ANKRD13D: variants seen among roughly 807,000 people sequenced by gnomAD.
ANKRD13D encodes the protein ankyrin repeat domain-containing protein 13D.
A neutral mutation model predicts 68.8 loss-of-function variants in ANKRD13D; 24 were observed. The ratio of observed to expected loss-of-function variants is 0.35; its 90% confidence interval spans 0.25 to 0.49. The LOEUF is 0.49. Ranked by LOEUF, ANKRD13D falls within the 20% of genes least tolerant of loss-of-function variation. ANKRD13D has a pLI of 0.99. For synonymous variants in ANKRD13D, 331 were observed against 336.1 expected, an observed-to-expected ratio of 0.98 and a Z score of 0.16; for missense variants, 735 against 832.1, an observed-to-expected ratio of 0.88 and a Z score of 1.44.
rs1215115616 is a variant in ANKRD13D, at chr11:67,300,367, G to A, written c.1073+244G>A. On this transcript the variant is annotated intron_variant, in intron 10 of 14. Coordinates refer to ENST00000511455, the MANE Select transcript of ANKRD13D (RefSeq NM_207354.3). The surrounding 1 kb of genome is among the most constrained non-coding windows in gnomAD (Gnocchi z 4.3). The stretch of plus-strand genomic sequence containing the variant: ...TGCCACCCATGTATGGTTTTCTATT[G>A]AATTTCATGAGTACCTGCTGGGGCC... The A allele has an allele frequency of 1.9e-6, 1 of 534,258 alleles. No individual in the cohort carries two copies. The highest frequency in any genetic ancestry group is 3.2e-6 in the Non-Finnish European group (1 of 309,566). 33.1% of individuals were successfully genotyped at this position (534,258 alleles called of 1,614,324 possible).
chr11:67,301,576 C>T lies in ANKRD13D; in HGVS notation c.1437C>T (p.Leu479=). Residue 479 remains leucine (L), a synonymous_variant, in exon 13 of 15, where the codon CTC becomes CTT. Transcript: ENST00000511455. The surrounding 1 kb of genome is among the most constrained non-coding windows in gnomAD (Gnocchi z 4.5). ...TGGGCATGGAGCGCAACGAGCCCCTCCGGGACGAGGACGATGACCTCCTGC... is the reference window on the plus strand; with the variant it reads ...TGGGCATGGAGCGCAACGAGCCCCTTCGGGACGAGGACGATGACCTCCTGC... ...SVLGMERNEP[L]RDEDDDLLQF... is the part of the protein sequence containing the mutation. 6.2e-7 allele frequency: 1 copy of T among 1,612,962 alleles called. No individual in the cohort carries two copies. Among genetic ancestry groups the T allele is most frequent in the African/African-American group, 1.3e-5 (1 of 75,076 alleles).
intron 6 of ANKRD13D, among the ~76,000 whole-genome samples, chr11:67,294,540 T>C (rs1860692052): frequency 6.6e-6 from 1 of 151,846 alleles, no homozygotes; most frequent in Non-Finnish European, 1.5e-5. Flanking sequence ...TTTTGTTTTG[T>C]TTTTTTGTTT....
chr11:67,290,050 C>T (rs1428545615), intron 1 of ANKRD13D, 28 bp from the exon 2 acceptor site: 2 of 1,532,486 alleles, frequency 1.3e-6, no homozygotes, highest in Non-Finnish European at 1.7e-6. Flanking sequence ...TTCTCTCCTG[C>T]CCTTTGTGAG....
Position 67,301,771 on chromosome 11 carries a change from G to A in ANKRD13D, c.1552G>A (p.Ala518Thr). The A allele has an allele frequency of 6.2e-7, 1 of 1,610,146 alleles. No homozygotes were observed. The change falls in exon 14 of 15, where the codon GCC (alanine) becomes ACC (threonine). Residue 518 changes from alanine to threonine, a missense_variant. Transcript: ENST00000511455. The surrounding 1 kb of genome is among the most constrained non-coding windows in gnomAD (Gnocchi z 4.5). ...AGCCCTGACCAACACCCGGCCCGGT[G>A]CCCGCCCTCCTCCCCAGGCCACGGT... Reference protein sequence around the residue: ...WEALTNTRPGARPPPQATVYE... With the variant: ...WEALTNTRPGTRPPPQATVYE...
Position 67,299,753 on chromosome 11 carries a change from G to T in ANKRD13D, c.881-74G>T, listed in dbSNP as rs1377003728. On this transcript the variant is annotated intron_variant, in intron 8 of 14. Coordinates refer to ENST00000511455, the MANE Select transcript of ANKRD13D (RefSeq NM_207354.3). This position sits in a 1 kb window ranked among gnomAD's most constrained non-coding sequence, Gnocchi z 6.2. The stretch of plus-strand genomic sequence containing the variant: ...TGACCCCTCTTCCCCCAGACAGTAG[G>T]CTCCAGGGGTGGAGGTGGGCAGGGG... 1 of 1,530,132 alleles carries T rather than the reference G, an allele frequency of 6.5e-7. No individual in the cohort carries two copies. The highest frequency in any genetic ancestry group is 8.8e-7 in the Non-Finnish European group (1 of 1,134,332). The allele number at this position is 1,530,132 out of a possible 1,614,324, so 94.8% of individuals were successfully genotyped here.
chr11:67,291,803 G>C, intron 5 of ANKRD13D, 57 bp downstream of exon 5: 1 of 1,595,630 alleles, frequency 6.3e-7, no homozygotes, highest in Non-Finnish European at 8.5e-7. Flanking sequence ...CTGCGGCTTG[G>C]GAGGACGGTG....
chr11:67,297,969 T>C (rs1860825621), intron 6 of ANKRD13D: 1 of 152,230 alleles, frequency 6.6e-6, no homozygotes, highest in Admixed American at 6.5e-5. Flanking sequence ...AGTTTTTTTT[T>C]TCTGCTATTG....
At position 67,292,150 on chromosome 11, in the gene ANKRD13D, A is replaced by C; in HGVS notation, c.701A>C (p.His234Pro). 1 of 1,604,496 alleles carries C rather than the reference A, an allele frequency of 6.2e-7. No homozygotes were observed. The highest frequency in any genetic ancestry group is 8.5e-7 in the Non-Finnish European group (1 of 1,172,504). ...CTCACCTCTCCTATCGTCTCCACCC[A>C]CCTGGACACTCGTAATGTGGCCTTT... Reference protein sequence around the residue: ...SRLTSPIVSTHLDTRNVAFER... With the variant: ...SRLTSPIVSTPLDTRNVAFER... Residue 234 changes from histidine to proline, a missense_variant, in exon 6 of 15, where the codon CAC (histidine) becomes CCC (proline). His to Pro is a moderately conservative substitution (Grantham distance 77, BLOSUM62 -2). Transcript: ENST00000511455.
At chr11:67,296,021 C>T (rs889775388) in intron 6 of ANKRD13D, among the ~76,000 whole-genome samples, 2 of 152,148 alleles carry the variant, frequency 1.3e-5, no homozygotes, top group Admixed American at 1.3e-4. Flanking sequence ...ATTGATACAT[C>T]AATTGACCTA....
At position 67,299,792 on chromosome 11, in the gene ANKRD13D, G is replaced by T. The variant is rs373575344; in HGVS notation, c.881-35G>T. On this transcript the variant is annotated intron_variant, in intron 8 of 14. Transcript: ENST00000511455. This position sits in a 1 kb window ranked among gnomAD's most constrained non-coding sequence, Gnocchi z 6.2. ...GGTGGGCAGGGGCGATGCGAGCATT[G>T]TGACCCCTTACCAGCTCCCACCCCT... The T allele has an allele frequency of 1.8e-5, 27 of 1,534,136 alleles. No individual in the cohort carries two copies. Among genetic ancestry groups the T allele is most frequent in the Non-Finnish European group, 2.4e-5 (27 of 1,140,378 alleles).
intron 6 of ANKRD13D, among the ~76,000 whole-genome samples, chr11:67,292,944 A>G (rs1240762225): frequency 6.6e-6 from 1 of 152,208 alleles, no homozygotes; most frequent in African/African-American, 2.4e-5. Flanking sequence ...TCTTTCACTT[A>G]GTATAATATA....
At chr11:67,291,378 C>T (rs1239388189) in intron 3 of ANKRD13D, 98 bp from the exon 4 acceptor site, 11 of 920,964 alleles carry the variant, frequency 1.2e-5, no homozygotes, top group African/African-American at 7.0e-5. Context: ...AAAAAAAAGA[C>T]CTGATGAAGG....
At position 67,292,562 on chromosome 11, in the gene ANKRD13D, C is replaced by T. The variant is rs184751377; in HGVS notation, c.731+382C>T. Among the ~76,000 whole-genome samples the T allele has an allele frequency of 1.6e-3, 239 of 151,984 alleles. 1 individual carries two copies. The highest frequency in any genetic ancestry group is 1.6e-3 in the Non-Finnish European group (112 of 67,972). Reference sequence around the variant, plus strand: ...GGGTAGCCTAGGAACCTGACCCTTCCAGCAAGAGTTTCTCTGACAACACAT... The same window carrying T: ...GGGTAGCCTAGGAACCTGACCCTTCTAGCAAGAGTTTCTCTGACAACACAT... On this transcript the variant is annotated intron_variant, in intron 6 of 14. Coordinates refer to ENST00000511455, the MANE Select transcript of ANKRD13D (RefSeq NM_207354.3).
chr11:67,291,531 G>T lies in ANKRD13D; in HGVS notation c.397+10G>T, dbSNP rs775595634. ...GAGTTCACCAGCTGGGGTGAGTGGG[G>T]ACCTCTGGGCTCCCAGGGATTTGGG... On this transcript the variant is annotated intron_variant, in intron 4 of 14. Transcript: ENST00000511455. 6 of 1,613,932 alleles carry T rather than the reference G, an allele frequency of 3.7e-6. No homozygotes were observed. The Admixed American group carries it at 1.0e-4, about 27-fold the overall frequency.
Position 67,289,804 on chromosome 11 carries a change from C to T in ANKRD13D, c.90+254C>T. The T allele has an allele frequency of 2.1e-6, 3 of 1,423,498 alleles. No individual in the cohort carries two copies. In the South Asian group the frequency reaches 4.6e-5, roughly 22 times the overall value. The allele number at this position is 1,423,498 out of a possible 1,614,324, so 88.2% of individuals were successfully genotyped here. A position where few individuals can be genotyped will look rare whatever the true frequency, so the allele number is the denominator to read the frequency against. On this transcript the variant is annotated intron_variant, in intron 1 of 14. Coordinates refer to ENST00000511455, the MANE Select transcript of ANKRD13D (RefSeq NM_207354.3). ...CATCCTTGCTGACCCAAGCTGAGAACAAGAACTCTGGTCCTGGTCCCCAGG... is the reference window on the plus strand; with the variant it reads ...CATCCTTGCTGACCCAAGCTGAGAATAAGAACTCTGGTCCTGGTCCCCAGG...
rs1860480723 is a variant in ANKRD13D at position 67,290,312 on chromosome 11, G to A, written c.227-10G>A. On this transcript the variant is annotated splice_polypyrimidine_tract_variant and intron_variant, in intron 2 of 14. Coordinates refer to ENST00000511455, the MANE Select transcript of ANKRD13D (RefSeq NM_207354.3). ...CTGGAGGGCTCCCCTCAGCAGCCTG[G>A]TGCCCGCAGTCCTGCAGGAGGCAGT... is the stretch of plus-strand genomic sequence containing the variant. 1.9e-6 allele frequency: 3 copies of A among 1,549,158 alleles called. No homozygotes were observed. The African/African-American group carries it at 4.1e-5, about 21-fold the overall frequency.
At chr11:67,295,814 C>T (rs530908937) in intron 6 of ANKRD13D, among the ~76,000 whole-genome samples, 83 of 152,266 alleles carry the variant, frequency 5.5e-4, no homozygotes, top group African/African-American at 2.0e-3. Context: ...TGTTCTTCAT[C>T]TTAGGGGAAA....
At position 67,299,487 on chromosome 11, in the gene ANKRD13D, G is replaced by A. The variant is rs1416858416; in HGVS notation, c.799-43G>A. 2.0e-6 allele frequency: 3 copies of A among 1,496,028 alleles called. No individual in the cohort carries two copies. The highest frequency in any genetic ancestry group is 1.2e-5 in the South Asian group (1 of 82,396). The allele number at this position is 1,496,028 out of a possible 1,614,324, so 92.7% of individuals were successfully genotyped here. On this transcript the variant is annotated intron_variant, in intron 7 of 14. Coordinates refer to ENST00000511455, the MANE Select transcript of ANKRD13D (RefSeq NM_207354.3). This position sits in a 1 kb window ranked among gnomAD's most constrained non-coding sequence, Gnocchi z 6.2. ...GCACTGGTGAGGCTGAGTGTGGGGA[G>A]CAGGCTCTGAGCCCCCAGCTCCCCG...
At chr11:67,289,627 C>G in intron 1 of ANKRD13D, 77 bp downstream of exon 1, 4 of 1,145,502 alleles carry the variant, frequency 3.5e-6, no homozygotes, top group Non-Finnish European at 4.5e-6. Flanking sequence ...TGGAGCCCCC[C>G]CCCCCCCCCC....
Sources: allele counts gnomAD v4.1 joint callset (sites outside exome capture counted in the v4.1 genomes callset), GRCh38; gene constraint gnomAD v4.1.1; non-coding constraint Gnocchi (gnomAD v3.1); transcripts MANE v1.5; gene names NCBI Gene and HGNC (gene_info 2026-07-23, HGNC 2026-07-21).